The following BIRC6 variants were observed in gnomAD, a reference collection of about 807,000 sequenced individuals.
BIRC6 encodes the protein dual E2 ubiquitin-conjugating enzyme/E3 ubiquitin-protein ligase BIRC6.
BIRC6 carries 98 observed loss-of-function variants against 503.3 expected under a neutral mutation model. The ratio of observed to expected loss-of-function variants is 0.19; its 90% CI spans 0.17 to 0.23. The LOEUF is 0.23. Ranked by LOEUF, BIRC6 falls within the 10% of genes least tolerant of loss-of-function variation. BIRC6 has a pLI of 1.00. For missense variants in BIRC6, 5,360 were observed against 5,806.0 expected, an observed-to-expected ratio of 0.92 and a Z score of 2.50; for synonymous variants, 2,240 against 2,078.7, an observed-to-expected ratio of 1.08 and a Z score of -2.11.
chr2:32,364,268 C>T (rs2034550131), intron 1 of BIRC6, among the ~76,000 whole-genome samples: 1 of 151,994 alleles, frequency 6.6e-6, no homozygotes, highest in African/African-American at 2.4e-5. Flanking sequence ...ATTTTATTTA[C>T]ATATTGAGAT....
rs2051510797 is a variant in BIRC6 at position 32,490,154 on chromosome 2, A to G, written c.8206+3A>G. 1.3e-6 allele frequency: 2 copies of G among 1,582,032 alleles called. No homozygotes were observed. The highest frequency in any genetic ancestry group is 1.7e-6 in the Non-Finnish European group (2 of 1,151,220). On this transcript the variant is annotated splice_donor_region_variant and intron_variant, in intron 43 of 73. Coordinates refer to ENST00000421745, the MANE Select transcript of BIRC6 (RefSeq NM_016252.4). The stretch of plus-strand genomic sequence containing the variant: ...CATGACAAACATGCAGCTTAATTGT[A>G]AGTTCATAAATTTATTCATTTAAAT...
intron 3 of BIRC6, 97 bp from the exon 4 acceptor site, chr2:32,388,653 A>G (rs2038822910): frequency 1.2e-6 from 1 of 834,836 alleles, no homozygotes. Context: ...CTGACTTGAA[A>G]CTGATGAGTG....
chr2:32,537,778 A>T (rs2057351578), intron 61 of BIRC6, among the ~76,000 whole-genome samples: 1 of 152,154 alleles, frequency 6.6e-6, no homozygotes, highest in Non-Finnish European at 1.5e-5. Flanking sequence ...CATCCTGGCT[A>T]ACGTGGTGAA....
At chr2:32,403,640 G>A (rs1018215336) in intron 8 of BIRC6, among the ~76,000 whole-genome samples, 2 of 152,120 alleles carry the variant, frequency 1.3e-5, no homozygotes, top group Non-Finnish European at 2.9e-5. Flanking sequence ...CCAAGGTACT[G>A]TTACAATATT....
chr2:32,363,596 G>A (rs1056428890), intron 1 of BIRC6, among the ~76,000 whole-genome samples: 6 of 151,992 alleles, frequency 3.9e-5, no homozygotes, highest in Non-Finnish European at 5.9e-5. Context: ...ATTTTATACC[G>A]TTTGTCTTTT....
chr2:32,393,923 T>C (rs2039553115), intron 5 of BIRC6, among the ~76,000 whole-genome samples: 1 of 149,086 alleles, frequency 6.7e-6, no homozygotes, highest in South Asian at 2.1e-4. Flanking sequence ...TCTGAACATC[T>C]TTACTAAAAT....
chr2:32,443,367 G>A (rs1230230464), intron 19 of BIRC6, 124 bp from the exon 20 acceptor site: 9 of 613,622 alleles, frequency 1.5e-5, no homozygotes, highest in South Asian at 9.0e-5. Flanking sequence ...TAGCTTTAAG[G>A]CAGGTTTTTC....
Position 32,388,506 on chromosome 2 carries a change from CTT to C in BIRC6, c.646-242_646-241del, listed in dbSNP as rs1432935458. On this transcript the variant is annotated intron_variant, in intron 3 of 73. Coordinates refer to ENST00000421745, the MANE Select transcript of BIRC6 (RefSeq NM_016252.4). Reference sequence around the variant, plus strand: ...ACAGGCGTAAGCCACTGCACCTGGCCTTTACTGCACATTTTCTTTACCCAGTC... The same window carrying C: ...ACAGGCGTAAGCCACTGCACCTGGCCTACTGCACATTTTCTTTACCCAGTC... Among the ~76,000 whole-genome samples the C allele has an allele frequency of 3.3e-5, 5 of 152,304 alleles. No homozygotes were observed. In the East Asian group the frequency reaches 9.6e-4, roughly 29 times the overall value.
At position 32,491,322 on chromosome 2, in the gene BIRC6, G is replaced by A. The variant is rs916274173; in HGVS notation, c.8207-103G>A. 3.5e-6 allele frequency: 4 copies of A among 1,148,020 alleles called. No homozygotes were observed. The African/African-American group carries it at 4.7e-5, about 13-fold the overall frequency. The allele number at this position is 1,148,020 out of a possible 1,614,324, so 71.1% of individuals were successfully genotyped here. ...CCCCTTTAATAAACTGTAATTACTA[G>A]GAATGTATGAATTTTCCTTGGAACT... On this transcript the variant is annotated intron_variant, in intron 43 of 73. Coordinates refer to ENST00000421745, the MANE Select transcript of BIRC6 (RefSeq NM_016252.4).
At chr2:32,521,070 A>T (rs1281627172) in intron 57 of BIRC6, among the ~76,000 whole-genome samples, 1 of 152,268 alleles carries the variant, frequency 6.6e-6, no homozygotes, top group African/African-American at 2.4e-5. Flanking sequence ...CTTTGGAAGT[A>T]CACGACCTCA....
chr2:32,486,018 A>C (rs1455108017), intron 40 of BIRC6, among the ~76,000 whole-genome samples: 2 of 152,298 alleles, frequency 1.3e-5, no homozygotes, highest in East Asian at 3.9e-4. Context: ...TGTTTTGTTT[A>C]CTGTATTGTT....
intron 12 of BIRC6, among the ~76,000 whole-genome samples, chr2:32,432,308 C>T (rs1436584145): frequency 1.3e-5 from 2 of 152,094 alleles, no homozygotes; most frequent in African/African-American, 2.4e-5. Context: ...CCCAGCTACT[C>T]AGGAGGCTGA....
intron 66 of BIRC6, among the ~76,000 whole-genome samples, chr2:32,589,990 T>TTAGAGATTAAGTAAA (rs2061301913): frequency 6.6e-6 from 1 of 152,196 alleles, no homozygotes; most frequent in African/African-American, 2.4e-5. Context: ...AAACTGGTAC[T>TTAGAGATTAAGTAAA]TCCACTTAGA....
chr2:32,594,482 C>T (rs776999722), intron 67 of BIRC6, among the ~76,000 whole-genome samples: 1 of 152,132 alleles, frequency 6.6e-6, no homozygotes, highest in Non-Finnish European at 1.5e-5. Flanking sequence ...ATCACTTGAG[C>T]TCAGGAGTTC....
rs143158059 is a variant in BIRC6 at position 32,437,579 on chromosome 2, C to T, written c.3631+1395C>T. 6.7e-3 allele frequency among the ~76,000 whole-genome samples: 1,024 copies of T among 152,262 alleles called. 3 individuals carry two copies. The highest frequency in any genetic ancestry group is 0.011 in the Admixed American group (161 of 15,290). On this transcript the variant is annotated intron_variant, in intron 15 of 73. Coordinates refer to ENST00000421745, the MANE Select transcript of BIRC6 (RefSeq NM_016252.4). ...TATCCCTTATCTGAAATGCTTGGGACCAGAAGTGTTTCAGATTTCAGATTC... is the reference window on the plus strand; with the variant it reads ...TATCCCTTATCTGAAATGCTTGGGATCAGAAGTGTTTCAGATTTCAGATTC...
Position 32,531,525 on chromosome 2 carries a change from A to T in BIRC6, c.12265A>T (p.Met4089Leu), listed in dbSNP as rs1222191863. 6.2e-7 allele frequency: 1 copy of T among 1,612,970 alleles called. No homozygotes were observed. Among genetic ancestry groups the T allele is most frequent in the South Asian group, 1.1e-5 (1 of 90,900 alleles). ...GGCTCTTATTGCTGAAAGACTACCC[A>T]TGCTATATCCAGAAGTAATTCAACA... ...GLALIAERLP[M>L]LYPEVIQQVS... Residue 4089 changes from methionine (M) to leucine (L), a missense_variant, in exon 61 of 74, where the codon ATG becomes TTG. By Grantham distance (15) the Met-to-Leu change is conservative (BLOSUM62 2). Transcript: ENST00000421745.
chr2:32,545,809 T>G lies in BIRC6; in HGVS notation c.12759T>G (p.Ala4253=). The change falls in exon 63 of 74, where the codon GCT becomes GCG. Residue 4253 remains alanine (A), a synonymous_variant. Transcript: ENST00000421745. ...ALHLILVCLS[A]LSHHSPRVPN... is the part of the protein sequence containing the mutation. ...ACCTCATTCTTGTCTGTCTCTCTGCTTTGAGCCACCATTCCCCACGAGTTC... is the reference window on the plus strand; with the variant it reads ...ACCTCATTCTTGTCTGTCTCTCTGCGTTGAGCCACCATTCCCCACGAGTTC... The G allele has an allele frequency of 6.2e-7, 1 of 1,613,946 alleles. No individual in the cohort carries two copies. The highest frequency in any genetic ancestry group is 1.1e-5 in the South Asian group (1 of 91,086).
chr2:32,494,267 C>T (rs966631188), intron 45 of BIRC6, among the ~76,000 whole-genome samples: 2 of 150,132 alleles, frequency 1.3e-5, no homozygotes, highest in African/African-American at 2.5e-5. Flanking sequence ...CTCGCTCTGT[C>T]GCCAGGCTGG....
At chr2:32,483,259 G>A (rs2050617673) in intron 39 of BIRC6, among the ~76,000 whole-genome samples, 1 of 151,968 alleles carries the variant, frequency 6.6e-6, no homozygotes, top group Admixed American at 6.6e-5. Context: ...TATGAGATGT[G>A]TTTAATTTTT....
Sources: allele counts gnomAD v4.1 joint callset (sites outside exome capture counted in the v4.1 genomes callset), GRCh38; gene constraint gnomAD v4.1.1; transcripts MANE v1.5; gene names NCBI Gene and HGNC (gene_info 2026-07-23, HGNC 2026-07-21).